The following LCORL variants were observed in gnomAD, a reference collection of about 807,000 sequenced individuals.
The protein encoded by LCORL is ligand-dependent nuclear receptor corepressor-like protein.
A neutral mutation model predicts 141.8 loss-of-function variants in LCORL; 41 were observed. That is an observed-to-expected ratio of 0.29 (90% CI 0.23 to 0.38). The LOEUF (loss-of-function observed/expected upper bound fraction) is 0.38, where lower values mean the gene tolerates loss of function less well. LCORL is among the 10% of genes least tolerant of loss of function. The probability of loss-of-function intolerance (pLI) is 1.00; values close to 1 mark genes in which losing one functional copy is unlikely to be tolerated. For missense variants in LCORL, 1,759 were observed against 2,035.0 expected (o/e 0.86, Z 2.61); for synonymous variants, 618 against 694.1 (o/e 0.89, Z 1.72).
chr4:17,927,738 C>T (rs1359529446), intron 4 of LCORL, among the ~76,000 whole-genome samples: 3 of 152,072 alleles, frequency 2.0e-5, no homozygotes, highest in Non-Finnish European at 2.9e-5. Context: ...GGGAGTGGTT[C>T]GTGGTGCTCC....
chr4:17,845,761 C>T, exon 8 of LCORL: 1 of 1,613,444 alleles, frequency 6.2e-7, no homozygotes, highest in African/African-American at 1.3e-5. Context: ...ATGAACTGTA[C>T]AGCTCGTTAG....
At chr4:17,919,222 A>T (rs1733928024) in intron 4 of LCORL, among the ~76,000 whole-genome samples, 1 of 152,182 alleles carries the variant, frequency 6.6e-6, no homozygotes, top group African/African-American at 2.4e-5. Context: ...AATATGAATA[A>T]ATCTGTAAAA....
intron 7 of LCORL, among the ~76,000 whole-genome samples, chr4:17,853,577 C>T (rs915448889): frequency 6.6e-6 from 1 of 152,112 alleles, no homozygotes; most frequent in African/African-American, 2.4e-5. Context: ...ATAAACTGGG[C>T]TCTGGTACAG....
chr4:17,897,136 T>C (rs990740990), intron 5 of LCORL, among the ~76,000 whole-genome samples: 14 of 151,588 alleles, frequency 9.2e-5, no homozygotes, highest in Admixed American at 2.0e-4. Context: ...ACACTTAGGT[T>C]TCTTCCAAAT....
At chr4:17,908,195 G>A (rs1731964187) in intron 5 of LCORL, among the ~76,000 whole-genome samples, 2 of 151,520 alleles carry the variant, frequency 1.3e-5, no homozygotes, top group Admixed American at 1.3e-4. Context: ...ACAGTGCCCG[G>A]CTAATTTTGT....
intron 1 of LCORL, among the ~76,000 whole-genome samples, chr4:18,009,175 C>A (rs1402170141): frequency 6.6e-6 from 1 of 152,054 alleles, no homozygotes; most frequent in Non-Finnish European, 1.5e-5. Context: ...ACAAGTACTT[C>A]ATTTCCTATC....
At chr4:17,983,890 T>C (rs1033788999) in intron 1 of LCORL, among the ~76,000 whole-genome samples, 1 of 152,220 alleles carries the variant, frequency 6.6e-6, no homozygotes, top group African/African-American at 2.4e-5. Flanking sequence ...TTCAGTATGA[T>C]GTTGGCTGTG....
chr4:17,896,026 CAT>C (rs1419636784), intron 5 of LCORL, among the ~76,000 whole-genome samples: 1 of 152,112 alleles, frequency 6.6e-6, no homozygotes, highest in Non-Finnish European at 1.5e-5. Context: ...TTTGTGTGGA[CAT>C]ATGTTTTCGA....
intron 2 of LCORL, among the ~76,000 whole-genome samples, chr4:17,970,868 A>G (rs1463475892): frequency 6.6e-6 from 1 of 152,214 alleles, no homozygotes; most frequent in Non-Finnish European, 1.5e-5. Context: ...GTGTTTATAC[A>G]TATGAGAACC....
At chr4:18,018,928 AAAT>A (rs1725057348) in intron 1 of LCORL, among the ~76,000 whole-genome samples, 1 of 152,230 alleles carries the variant, frequency 6.6e-6, no homozygotes, top group African/African-American at 2.4e-5. Flanking sequence ...TGCAAAGGGA[AAAT>A]AATATGGCTT....
At chr4:17,990,146 T>A (rs1719722956) in intron 1 of LCORL, among the ~76,000 whole-genome samples, 2 of 147,170 alleles carry the variant, frequency 1.4e-5, no homozygotes, top group African/African-American at 5.1e-5. Context: ...TCACCCAGGC[T>A]GGAGTGCAGT....
At chr4:17,953,139 T>C (rs1337296896) in intron 4 of LCORL, among the ~76,000 whole-genome samples, 1 of 152,250 alleles carries the variant, frequency 6.6e-6, no homozygotes, top group Non-Finnish European at 1.5e-5. Flanking sequence ...CTTTATCCAG[T>C]CTACCACTGA....
intron 6 of LCORL, chr4:17,880,602 T>G (rs1416585353): frequency 1.0e-6 from 1 of 977,838 alleles, no homozygotes; most frequent in African/African-American, 1.8e-5. Flanking sequence ...TAGTCAGTTT[T>G]TTTCTTTTCT....
chr4:17,918,589 T>C (rs1467694209), intron 4 of LCORL, among the ~76,000 whole-genome samples: 3 of 152,100 alleles, frequency 2.0e-5, no homozygotes, highest in Non-Finnish European at 4.4e-5. Context: ...AGATATACAC[T>C]GGTAGATTTG....
chr4:18,004,005 A>G (rs1288298039), intron 1 of LCORL, among the ~76,000 whole-genome samples: 2 of 152,250 alleles, frequency 1.3e-5, no homozygotes, highest in East Asian at 3.8e-4. Context: ...CAAAGGTGCT[A>G]CATGCATTCC....
chr4:17,889,273 A>T (rs1323585173), intron 5 of LCORL, among the ~76,000 whole-genome samples: 1 of 152,114 alleles, frequency 6.6e-6, no homozygotes, highest in Non-Finnish European at 1.5e-5. Context: ...AGGAAGTCTA[A>T]ACAATGACCC....
At chr4:17,922,263 T>C (rs1390975566) in intron 4 of LCORL, among the ~76,000 whole-genome samples, 1 of 152,202 alleles carries the variant, frequency 6.6e-6, no homozygotes, top group Non-Finnish European at 1.5e-5. Flanking sequence ...TTTCTGGAAT[T>C]GGCTGCTTAA....
Position 17,884,568 on chromosome 4 carries a change from C to T in LCORL, c.776+1500G>A. On this transcript the variant is annotated intron_variant, in intron 6 of 7. Transcript: ENST00000635767. The surrounding 1 kb of genome is among the most constrained non-coding windows in gnomAD (Gnocchi z 4.4). Reference sequence around the variant, plus strand: ...TCTCGAGTTTTGTTTTTAAAAGATGCAGGCTTCCCTGCTGGTAAGGCTTCT... The same window carrying T: ...TCTCGAGTTTTGTTTTTAAAAGATGTAGGCTTCCCTGCTGGTAAGGCTTCT... 2.6e-6 allele frequency: 4 copies of T among 1,537,920 alleles called. No individual in the cohort carries two copies. The highest frequency in any genetic ancestry group is 3.5e-6 in the Non-Finnish European group (4 of 1,142,838).
rs1038546589 is a variant in LCORL, at chr4:17,885,900, AAAAG to A, written c.776+164_776+167del. 4.6e-5 allele frequency among the ~76,000 whole-genome samples: 7 copies of A among 152,028 alleles called. No individual in the cohort carries two copies. The East Asian group carries it at 1.2e-3, about 25-fold the overall frequency. On this transcript the variant is annotated intron_variant, in intron 6 of 7. Coordinates refer to ENST00000635767, the Ensembl canonical transcript of LCORL. Reference sequence around the variant, plus strand: ...AACTTTTCTTTAACAGAAAGAATAAAAAAGAAAGAGAAAGGACAAATGAAAGGTA... The same window carrying A: ...AACTTTTCTTTAACAGAAAGAATAAAAAAGAGAAAGGACAAATGAAAGGTA...
Sources: allele counts gnomAD v4.1 joint callset (sites outside exome capture counted in the v4.1 genomes callset), GRCh38; gene constraint gnomAD v4.1.1; non-coding constraint Gnocchi (gnomAD v3.1); transcripts MANE v1.5; gene names NCBI Gene and HGNC (gene_info 2026-07-23, HGNC 2026-07-21).